RPH3AL: variants seen among roughly 807,000 people sequenced by gnomAD.
RPH3AL encodes rab effector Noc2.
In RPH3AL, 38 loss-of-function variants were observed where a neutral mutation model predicts 43.1. That is an observed-to-expected ratio of 0.88 (90% CI 0.68 to 1.15). The LOEUF (loss-of-function observed/expected upper bound fraction) is 1.15, where lower values mean the gene tolerates loss of function less well. Among genes scored for constraint, RPH3AL ranks in the 50% most tolerant of loss-of-function variants. RPH3AL has a pLI of 0.00. For missense variants in RPH3AL, 462 were observed against 423.2 expected (o/e 1.09, Z -0.81); for synonymous variants, 189 against 176.3 (o/e 1.07, Z -0.57).
chr17:307,412 C>T (rs559748111), intron 5 of RPH3AL, among the ~76,000 whole-genome samples: 7 of 149,232 alleles, frequency 4.7e-5, no homozygotes, highest in South Asian at 2.2e-4. Context: ...GTCCTCCCCA[C>T]GGCAGATCCT....
intron 7 of RPH3AL, among the ~76,000 whole-genome samples, chr17:238,870 C>A (rs765827375): frequency 1.3e-5 from 2 of 152,156 alleles, no homozygotes; most frequent in Non-Finnish European, 2.9e-5. Context: ...GCCATTTACA[C>A]CTCATATACC....
intron 5 of RPH3AL, among the ~76,000 whole-genome samples, chr17:302,581 C>G (rs751374364): frequency 1.3e-5 from 2 of 152,178 alleles, no homozygotes; most frequent in Non-Finnish European, 2.9e-5. Flanking sequence ...CGAGGCTAAG[C>G]TCAACGGGAA....
intron 7 of RPH3AL, among the ~76,000 whole-genome samples, chr17:224,223 G>C (rs1218347697): frequency 7.0e-6 from 1 of 143,512 alleles, no homozygotes; most frequent in African/African-American, 2.4e-5. Context: ...TCCAGCAAAA[G>C]CACAGATCCC....
chr17:268,883 A>T (rs563784438), intron 6 of RPH3AL, among the ~76,000 whole-genome samples: 10 of 151,180 alleles, frequency 6.6e-5, no homozygotes, highest in East Asian at 2.0e-4. Flanking sequence ...TTTTTTATTT[A>T]TTATTATTTT....
At chr17:273,324 G>T (rs1297657581) in intron 6 of RPH3AL, among the ~76,000 whole-genome samples, 62 of 50,162 alleles carry the variant, frequency 1.2e-3, no homozygotes, top group Middle Eastern at 0.012. Flanking sequence ...CGAGGGTGAT[G>T]TCAGGGAGAG....
intron 3 of RPH3AL, among the ~76,000 whole-genome samples, chr17:324,313 C>T (rs1190208650): frequency 1.3e-5 from 2 of 152,212 alleles, no homozygotes; most frequent in Non-Finnish European, 2.9e-5. Flanking sequence ...CAGTCATCCA[C>T]GTCCTCTCAT....
chr17:314,501 C>A lies in RPH3AL; in HGVS notation c.351+4919G>T, dbSNP rs1449105480. On this transcript the variant is annotated intron_variant, in intron 5 of 9. Coordinates refer to ENST00000331302, the MANE Select transcript of RPH3AL (RefSeq NM_006987.4). ...TCCATTGACCTGTAGTCCCTATACT[C>A]CACGTCCATTGACCTGTAGTCCCTG... 1.5e-5 allele frequency among the ~76,000 whole-genome samples: 2 copies of A among 132,042 alleles called. 1 individual carries two copies. Among genetic ancestry groups the A allele is most frequent in the Non-Finnish European group, 3.3e-5 (2 of 60,298 alleles). 86.6% of individuals were successfully genotyped at this position (132,042 alleles called of 152,430 possible).
chr17:274,303 G>C lies in RPH3AL; in HGVS notation c.438+7465C>G, dbSNP rs866391986. ...GGGGATGAGGCGGGAGACGGGAGGC[G>C]TGCCATGGACCACCTGGGCCTCGCC... On this transcript the variant is annotated intron_variant, in intron 6 of 9. Transcript: ENST00000331302. The surrounding 1 kb of genome is among the most constrained non-coding windows in gnomAD (Gnocchi z 4.7). 6.6e-6 allele frequency among the ~76,000 whole-genome samples: 1 copy of C among 152,220 alleles called. No homozygotes were observed. The highest frequency in any genetic ancestry group is 2.4e-5 in the African/African-American group (1 of 41,458).
chr17:272,985 T>G (rs8079256), intron 6 of RPH3AL, among the ~76,000 whole-genome samples: 7,272 of 33,924 alleles, frequency 0.21, 789 homozygotes, highest in African/African-American at 0.35. Context: ...CAGCAAGGGC[T>G]ACGTCAGGGT....
chr17:260,573 G>A (rs2042174311), intron 6 of RPH3AL, among the ~76,000 whole-genome samples: 1 of 152,138 alleles, frequency 6.6e-6, no homozygotes, highest in Non-Finnish European at 1.5e-5. Context: ...AATCAGTCTT[G>A]GAGAACCACG....
chr17:244,947 T>C (rs2041711647), intron 7 of RPH3AL, among the ~76,000 whole-genome samples: 1 of 152,112 alleles, frequency 6.6e-6, no homozygotes, highest in African/African-American at 2.4e-5. Context: ...TGTGTGTACA[T>C]GCATGTGTGT....
chr17:307,207 CAGGT>C (rs1555568446), intron 5 of RPH3AL, among the ~76,000 whole-genome samples: 9 of 69,274 alleles, frequency 1.3e-4, no homozygotes, highest in Non-Finnish European at 2.8e-4. Flanking sequence ...CTCCCCACGG[CAGGT>C]CCATCCCACG....
chr17:243,833 T>C (rs1200363180), intron 7 of RPH3AL, among the ~76,000 whole-genome samples: 1 of 151,296 alleles, frequency 6.6e-6, no homozygotes, highest in South Asian at 2.1e-4. Context: ...CCTTCCTCTA[T>C]TGATTACCTT....
chr17:333,154 C>G lies in RPH3AL; in HGVS notation c.-37+605G>C. On this transcript the variant is annotated intron_variant, in intron 2 of 9. Coordinates refer to ENST00000331302, the MANE Select transcript of RPH3AL (RefSeq NM_006987.4). The surrounding 1 kb of genome is among the most constrained non-coding windows in gnomAD (Gnocchi z 4.5). The stretch of plus-strand genomic sequence containing the variant: ...CACAGAGACGGCCATTAGAGCTCAC[C>G]ACCCCGGGCGTTCGTCACTGCAGAC... 1 of 1,198,364 alleles carries G rather than the reference C, an allele frequency of 8.3e-7. No individual in the cohort carries two copies. Among genetic ancestry groups the G allele is most frequent in the South Asian group, 1.5e-5 (1 of 68,486 alleles). 74.2% of individuals were successfully genotyped at this position (1,198,364 alleles called of 1,614,324 possible).
At position 215,527 on chromosome 17, in the gene RPH3AL, C is replaced by T. The variant is rs878888344; in HGVS notation, c.876+127G>A. On this transcript the variant is annotated intron_variant, in intron 9 of 9. Transcript: ENST00000331302. The surrounding 1 kb of genome is among the most constrained non-coding windows in gnomAD (Gnocchi z 4.1). Reference sequence around the variant, plus strand: ...GTCTGGCTCACCTTGTTCCCCCGCACAGTGCTTGGTAAACAACATGCAGAA... The same window carrying T: ...GTCTGGCTCACCTTGTTCCCCCGCATAGTGCTTGGTAAACAACATGCAGAA... 3.0e-5 allele frequency: 27 copies of T among 893,766 alleles called. No individual in the cohort carries two copies. In the African/African-American group the frequency reaches 4.1e-4, roughly 14 times the overall value. 55.4% of individuals were successfully genotyped at this position (893,766 alleles called of 1,614,324 possible).
At position 315,197 on chromosome 17, in the gene RPH3AL, C is replaced by G. The variant is rs1435605725; in HGVS notation, c.351+4223G>C. 1.4e-4 allele frequency among the ~76,000 whole-genome samples: 15 copies of G among 108,438 alleles called. 1 individual carries two copies. Among genetic ancestry groups the G allele is most frequent in the Non-Finnish European group, 2.5e-4 (13 of 51,134 alleles). The allele number at this position is 108,438 out of a possible 152,430, so 71.1% of individuals were successfully genotyped here. On this transcript the variant is annotated intron_variant, in intron 5 of 9. Transcript: ENST00000331302. ...TCCATTCACCTGTAGTCCCTGTGCTCCACCTCCATTCACCTGTAGTCTCTG... is the reference window on the plus strand; with the variant it reads ...TCCATTCACCTGTAGTCCCTGTGCTGCACCTCCATTCACCTGTAGTCTCTG...
At chr17:347,582 C>CAA (rs74220507) in intron 1 of RPH3AL, among the ~76,000 whole-genome samples, 6 of 146,632 alleles carry the variant, frequency 4.1e-5, no homozygotes, top group Admixed American at 1.4e-4. Flanking sequence ...AGACTCTGTT[C>CAA]AAAAAAAAAA....
intron 7 of RPH3AL, among the ~76,000 whole-genome samples, chr17:239,255 C>A (rs1009558110): frequency 1.3e-5 from 2 of 152,200 alleles, no homozygotes; most frequent in African/African-American, 4.8e-5. Flanking sequence ...ACACAGAGGA[C>A]AGGAACACGT....
At chr17:261,457 C>A (rs1244751663) in intron 6 of RPH3AL, among the ~76,000 whole-genome samples, 2 of 152,202 alleles carry the variant, frequency 1.3e-5, no homozygotes, top group African/African-American at 4.8e-5. Flanking sequence ...GATCAGCCAG[C>A]CCCTTGATCT....
Sources: gnomAD v4.1 joint callset for allele counts (sites outside exome capture counted in the v4.1 genomes callset) on GRCh38, gnomAD v4.1.1 for gene constraint, Gnocchi (gnomAD v3.1) non-coding constraint, MANE v1.5 for transcripts, NCBI Gene and HGNC (gene_info 2026-07-23, HGNC 2026-07-21) for gene names.